The following RAB38 variants were observed in gnomAD, a reference collection of about 807,000 sequenced individuals.
RAB38 encodes the protein ras-related protein Rab-38.
Under a neutral mutation model 18.4 loss-of-function variants are expected in RAB38, and 15 were observed. That is an observed-to-expected ratio of 0.82 (90% CI 0.55 to 1.26). The LOEUF (loss-of-function observed/expected upper bound fraction) is 1.26. Ranked by LOEUF, RAB38 falls within the 50% of genes most tolerant of loss-of-function variation. The probability of loss-of-function intolerance (pLI) is 0.00; values close to 1 mark genes in which losing one functional copy is unlikely to be tolerated. For missense variants in RAB38, 294 were observed against 267.4 expected (o/e 1.10, Z -0.69); for synonymous variants, 101 against 104.4 (o/e 0.97, Z 0.20).
At chr11:87,944,437 G>T in the RAB38 span, among the ~76,000 whole-genome samples, 2 of 152,108 alleles carry the variant, frequency 1.3e-5, no homozygotes, top group African/African-American at 4.8e-5. Context: ...TCTTGTCCAT[G>T]TTGGCATCTG....
At chr11:88,091,898 A>G in the RAB38 span, among the ~76,000 whole-genome samples, 18 of 151,988 alleles carry the variant, frequency 1.2e-4, no homozygotes, top group South Asian at 3.5e-3. Flanking sequence ...CTCTTGGTAA[A>G]CCCACTTTCA....
At chr11:87,828,198 CAG>C in the RAB38 span, among the ~76,000 whole-genome samples, 3 of 152,072 alleles carry the variant, frequency 2.0e-5, no homozygotes, top group Non-Finnish European at 4.4e-5. Flanking sequence ...GTTATGAAAA[CAG>C]AAATATTTGT....
At chr11:87,967,120 T>C in the RAB38 span, among the ~76,000 whole-genome samples, 1 of 152,252 alleles carries the variant, frequency 6.6e-6, no homozygotes, top group Non-Finnish European at 1.5e-5. Context: ...CTTTGAACTT[T>C]AATGTCATTG....
the RAB38 span, among the ~76,000 whole-genome samples, chr11:88,094,601 A>C: frequency 6.6e-6 from 1 of 151,840 alleles, no homozygotes; most frequent in East Asian, 1.9e-4. Context: ...GAACTCTTTT[A>C]CATGTGTCCT....
At chr11:88,133,121 A>G (rs1227361859) in intron 2 of RAB38, among the ~76,000 whole-genome samples, 2 of 152,078 alleles carry the variant, frequency 1.3e-5, no homozygotes, top group Non-Finnish European at 2.9e-5. Context: ...AGATCTGGCC[A>G]CTCCATTTAA....
the RAB38 span, among the ~76,000 whole-genome samples, chr11:88,008,743 G>A: frequency 6.6e-6 from 1 of 152,150 alleles, no homozygotes; most frequent in Non-Finnish European, 1.5e-5. Flanking sequence ...GCGCCATCTC[G>A]GCTCACTGCA....
At chr11:88,079,366 G>A in the RAB38 span, among the ~76,000 whole-genome samples, 4 of 151,726 alleles carry the variant, frequency 2.6e-5, no homozygotes, top group East Asian at 5.8e-4. Flanking sequence ...ATCATAGCTC[G>A]TGTAAGGAAA....
chr11:88,089,196 T>C, the RAB38 span, among the ~76,000 whole-genome samples: 1 of 151,590 alleles, frequency 6.6e-6, no homozygotes, highest in Non-Finnish European at 1.5e-5. Context: ...CATCTTGACA[T>C]CCCAGATGCT....
chr11:88,108,070 G>A, the RAB38 span, among the ~76,000 whole-genome samples: 7 of 152,162 alleles, frequency 4.6e-5, no homozygotes, highest in African/African-American at 1.4e-4. Flanking sequence ...TAAGTGCAAC[G>A]TGGTGCTAAG....
chr11:87,944,793 G>A, the RAB38 span, among the ~76,000 whole-genome samples: 1 of 152,036 alleles, frequency 6.6e-6, no homozygotes, highest in East Asian at 1.9e-4. Context: ...AAACCCATTT[G>A]AGCACCCTAT....
At chr11:88,044,836 G>A in the RAB38 span, among the ~76,000 whole-genome samples, 21 of 151,700 alleles carry the variant, frequency 1.4e-4, no homozygotes, top group African/African-American at 4.4e-4. Flanking sequence ...GCTGCTCCCC[G>A]CCAGGCCGAG....
downstream of RAB38, among the ~76,000 whole-genome samples, chr11:88,110,710 G>A (rs549071181): frequency 2.9e-4 from 44 of 151,824 alleles, no homozygotes; most frequent in African/African-American, 7.2e-4. Context: ...ATAGCTACTC[G>A]GGAGGCTGAG....
the RAB38 span, among the ~76,000 whole-genome samples, chr11:88,028,277 GA>G: frequency 1.3e-5 from 2 of 152,028 alleles, no homozygotes; most frequent in Non-Finnish European, 1.5e-5. Context: ...CAAAGATGGG[GA>G]AAAAACAGAA....
chr11:87,914,489 C>T, the RAB38 span, among the ~76,000 whole-genome samples: 17 of 152,222 alleles, frequency 1.1e-4, no homozygotes, highest in African/African-American at 3.8e-4. Flanking sequence ...TTTCACTGCT[C>T]ATGCTCAGTT....
At chr11:87,977,522 G>GATAATATAATTATATCATTATTAT in the RAB38 span, among the ~76,000 whole-genome samples, 2 of 98,648 alleles carry the variant, frequency 2.0e-5, no homozygotes, top group Non-Finnish European at 3.8e-5. Flanking sequence ...TAATTATATA[G>GATAATATAATTATATCATTATTAT]ATAATATAAT....
chr11:88,059,488 A>G, the RAB38 span, among the ~76,000 whole-genome samples: 1 of 152,250 alleles, frequency 6.6e-6, no homozygotes. Flanking sequence ...CTAAATGATC[A>G]TGAATCATGC....
At chr11:88,074,383 T>C in the RAB38 span, among the ~76,000 whole-genome samples, 1 of 152,242 alleles carries the variant, frequency 6.6e-6, no homozygotes, top group South Asian at 2.1e-4. Flanking sequence ...GAAGACAACA[T>C]AAAGACTAAA....
chr11:88,154,629 C>G (rs778577545), intron 1 of RAB38, among the ~76,000 whole-genome samples: 7 of 152,120 alleles, frequency 4.6e-5, no homozygotes, highest in Admixed American at 6.5e-5. Context: ...AGACATAGAT[C>G]GTGGTACAGC....
chr11:87,876,411 C>G, the RAB38 span, among the ~76,000 whole-genome samples: 4 of 151,614 alleles, frequency 2.6e-5, no homozygotes, highest in African/African-American at 9.7e-5. Flanking sequence ...CTCTCTCTAT[C>G]TCCTCTTTCT....
Sources: gnomAD v4.1 joint callset for allele counts (sites outside exome capture counted in the v4.1 genomes callset) on GRCh38, gnomAD v4.1.1 for gene constraint, MANE v1.5 for transcripts, NCBI Gene and HGNC (gene_info 2026-07-23, HGNC 2026-07-21) for gene names.